The following CCSER1 variants were observed in gnomAD, a reference collection of about 807,000 sequenced individuals.
CCSER1 encodes coiled-coil serine rich protein 1, also known as serine-rich coiled-coil domain-containing protein 1.
CCSER1 carries 41 observed loss-of-function variants against 82.0 expected under a neutral mutation model. The observed-to-expected ratio is 0.50, with a 90% CI of 0.39 to 0.65. The LOEUF (loss-of-function observed/expected upper bound fraction) is 0.65. Ranked by LOEUF, CCSER1 falls within the 30% of genes least tolerant of loss-of-function variation. The probability of loss-of-function intolerance (pLI) is 0.00; values close to 1 mark genes in which losing one functional copy is unlikely to be tolerated. For synonymous variants in CCSER1, 414 were observed against 383.9 expected (o/e 1.08, Z -0.92); for missense variants, 1,119 against 1,064.2 (o/e 1.05, Z -0.72).
chr4:90,977,000 A>G (rs1735672053), intron 9 of CCSER1, among the ~76,000 whole-genome samples: 1 of 151,644 alleles, frequency 6.6e-6, no homozygotes, highest in Non-Finnish European at 1.5e-5. Flanking sequence ...GCTGTGCTTA[A>G]TAAAAATATA....
chr4:90,461,735 C>G (rs1277548480), intron 4 of CCSER1, among the ~76,000 whole-genome samples: 1 of 152,152 alleles, frequency 6.6e-6, no homozygotes, highest in Non-Finnish European at 1.5e-5. Flanking sequence ...TTGAGTGCCT[C>G]TTTTGTGCCT....
At chr4:91,180,018 T>G (rs1427581056) in intron 10 of CCSER1, among the ~76,000 whole-genome samples, 1 of 152,218 alleles carries the variant, frequency 6.6e-6, no homozygotes, top group Non-Finnish European at 1.5e-5. Flanking sequence ...TTATTAGTTT[T>G]CCTTCTAATA....
intron 10 of CCSER1, among the ~76,000 whole-genome samples, chr4:91,170,073 C>G (rs1012814769): frequency 1.3e-5 from 2 of 152,154 alleles, no homozygotes; most frequent in African/African-American, 4.8e-5. Context: ...AGGAAGCAGA[C>G]ATAATGTCTA....
chr4:90,635,917 T>A (rs80252071), intron 6 of CCSER1, among the ~76,000 whole-genome samples: 4,240 of 151,704 alleles, frequency 0.028, 182 homozygotes, highest in African/African-American at 0.097. Context: ...ATAAAAAAGG[T>A]AGCTAATAAA....
intron 7 of CCSER1, among the ~76,000 whole-genome samples, chr4:90,763,445 T>A (rs879829282): frequency 4.6e-5 from 7 of 152,190 alleles, no homozygotes; most frequent in Admixed American, 6.6e-5. Context: ...TTCAATTGAA[T>A]TTTAACTCCA....
chr4:91,039,826 T>C (rs963884200), intron 9 of CCSER1, among the ~76,000 whole-genome samples: 2 of 152,086 alleles, frequency 1.3e-5, no homozygotes, highest in South Asian at 4.1e-4. Flanking sequence ...AGCAATTGTA[T>C]CTATAAGGAC....
chr4:90,347,565 C>T (rs550889577), intron 3 of CCSER1, among the ~76,000 whole-genome samples: 16 of 152,216 alleles, frequency 1.1e-4, no homozygotes, highest in East Asian at 5.8e-4. Flanking sequence ...CTTCCCAGAA[C>T]GTGAATCATC....
At chr4:91,405,445 G>T (rs577689720) in intron 10 of CCSER1, among the ~76,000 whole-genome samples, 1 of 152,098 alleles carries the variant, frequency 6.6e-6, no homozygotes, top group African/African-American at 2.4e-5. Context: ...TAACAAAAGC[G>T]AAAATAGACA....
chr4:91,131,836 T>C lies in CCSER1; in HGVS notation c.2217+45842T>C, dbSNP rs536830474. Among the ~76,000 whole-genome samples the C allele has an allele frequency of 3.0e-4, 45 of 151,952 alleles. 1 individual carries two copies. The South Asian group carries it at 9.1e-3, about 31-fold the overall frequency. On this transcript the variant is annotated intron_variant, in intron 10 of 10. Coordinates refer to ENST00000509176, the MANE Select transcript of CCSER1 (RefSeq NM_001145065.2). Reference sequence around the variant, plus strand: ...AGCTGGGGAGAACAATGGGGTGAAATAGTGAAAGGCACGTGACACGGAGTT... The same window carrying C: ...AGCTGGGGAGAACAATGGGGTGAAACAGTGAAAGGCACGTGACACGGAGTT...
intron 9 of CCSER1, among the ~76,000 whole-genome samples, chr4:90,950,852 T>C (rs577486119): frequency 1.3e-5 from 2 of 152,108 alleles, no homozygotes; most frequent in South Asian, 4.1e-4. Context: ...CTCTCTTTTG[T>C]CCCATACTTT....
At chr4:91,115,118 T>G (rs17243008) in intron 10 of CCSER1, among the ~76,000 whole-genome samples, 48,464 of 152,026 alleles carry the variant, frequency 0.32, 8,522 homozygotes, top group East Asian at 0.46. Flanking sequence ...AATGTCAAAG[T>G]TGAAGGGCCA....
At chr4:91,427,626 T>C (rs976235697) in intron 10 of CCSER1, among the ~76,000 whole-genome samples, 3 of 152,112 alleles carry the variant, frequency 2.0e-5, no homozygotes, top group South Asian at 2.1e-4. Flanking sequence ...ACTGTGAAAC[T>C]GAGATGAAAA....
intron 10 of CCSER1, among the ~76,000 whole-genome samples, chr4:91,128,813 C>G (rs1727737048): frequency 6.6e-6 from 1 of 152,032 alleles, no homozygotes; most frequent in East Asian, 1.9e-4. Context: ...GCTGATCATT[C>G]AAGATGACTT....
intron 3 of CCSER1, among the ~76,000 whole-genome samples, chr4:90,332,254 G>GA (rs1554004947): frequency 2.1e-5 from 3 of 144,680 alleles, no homozygotes; most frequent in African/African-American, 7.6e-5. Context: ...TTGAGATGGA[G>GA]TTTTTTTTTT....
chr4:91,379,895 T>G (rs1158985221), intron 10 of CCSER1, among the ~76,000 whole-genome samples: 1 of 152,226 alleles, frequency 6.6e-6, no homozygotes, highest in Non-Finnish European at 1.5e-5. Flanking sequence ...GTGCTATAAA[T>G]TTCCCTCTAC....
At chr4:90,962,151 C>A (rs1734111946) in intron 9 of CCSER1, among the ~76,000 whole-genome samples, 1 of 151,884 alleles carries the variant, frequency 6.6e-6, no homozygotes, top group Non-Finnish European at 1.5e-5. Flanking sequence ...AATAGTGGAT[C>A]CAAGAATAAG....
intron 10 of CCSER1, among the ~76,000 whole-genome samples, chr4:91,234,049 G>A (rs1738823117): frequency 6.6e-6 from 1 of 151,760 alleles, no homozygotes; most frequent in South Asian, 2.1e-4. Context: ...CCCAACAGTA[G>A]ACAAAAAGTA....
chr4:91,180,599 C>A (rs1409961520), intron 10 of CCSER1, among the ~76,000 whole-genome samples: 4 of 152,188 alleles, frequency 2.6e-5, no homozygotes, highest in Non-Finnish European at 5.9e-5. Context: ...GGGCTTGGGA[C>A]CATCTGAGCC....
rs564474533 is a variant in CCSER1, at chr4:91,082,091, G to C, written c.2173-3859G>C. The stretch of plus-strand genomic sequence containing the variant: ...TTAAATTTCATACGGAACCACAAAA[G>C]AGCCTTCATTGCCAAGACAATCCTA... On this transcript the variant is annotated intron_variant, in intron 9 of 10. Transcript: ENST00000509176. 2.0e-5 allele frequency among the ~76,000 whole-genome samples: 3 copies of C among 152,260 alleles called. No homozygotes were observed. In the East Asian group the frequency reaches 5.8e-4, roughly 29 times the overall value.
Sources: allele counts gnomAD v4.1 joint callset (sites outside exome capture counted in the v4.1 genomes callset), GRCh38; gene constraint gnomAD v4.1.1; transcripts MANE v1.5; gene names NCBI Gene and HGNC (gene_info 2026-07-23, HGNC 2026-07-21).